ATE1: variants seen among roughly 807,000 people sequenced by gnomAD.
The protein encoded by ATE1 is arginyl-tRNA--protein transferase 1.
A neutral mutation model predicts 70.5 loss-of-function variants in ATE1; 36 were observed. That is an observed-to-expected ratio of 0.51 (90% CI 0.39 to 0.67). The LOEUF is 0.67. Ranked by LOEUF, ATE1 falls within the 30% of genes least tolerant of loss-of-function variation. The pLI, the probability that ATE1 is intolerant of heterozygous loss-of-function variation, is 0.00. For synonymous variants in ATE1, 232 were observed against 219.3 expected, an observed-to-expected ratio of 1.06 and a Z score of -0.51; for missense variants, 593 against 629.5, an observed-to-expected ratio of 0.94 and a Z score of 0.62.
At chr10:121,890,526 A>G (rs1950544734) in intron 7 of ATE1, among the ~76,000 whole-genome samples, 2 of 152,282 alleles carry the variant, frequency 1.3e-5, no homozygotes, top group South Asian at 4.1e-4. Flanking sequence ...CATTCTTTCA[A>G]TTTTCCTTTA....
chr10:121,762,270 C>T (rs749577316), intron 11 of ATE1, among the ~76,000 whole-genome samples: 14 of 152,176 alleles, frequency 9.2e-5, no homozygotes, highest in African/African-American at 2.7e-4. Context: ...TTGGAAGCTA[C>T]GTAGTGTCCT....
intron 11 of ATE1, among the ~76,000 whole-genome samples, chr10:121,745,515 C>A (rs185729099): frequency 4.6e-5 from 7 of 152,046 alleles, no homozygotes; most frequent in Admixed American, 2.6e-4. Flanking sequence ...AGGAGATCGA[C>A]ACCATTCTGG....
At position 121,743,676 on chromosome 10, in the gene ATE1, C is replaced by A; in HGVS notation, c.*4G>T. Reference sequence around the variant, plus strand: ...ACAGGAACTTCCCGGCAGAGGTGAACAGGTCAGTTTCTGAACAGCAGCATC... The same window carrying A: ...ACAGGAACTTCCCGGCAGAGGTGAAAAGGTCAGTTTCTGAACAGCAGCATC... On this transcript the variant is annotated 3_prime_UTR_variant, in exon 12 of 12. Transcript: ENST00000224652. 2 of 1,602,536 alleles carry A rather than the reference C, an allele frequency of 1.2e-6. No individual in the cohort carries two copies. Among genetic ancestry groups the A allele is most frequent in the Non-Finnish European group, 8.5e-7 (1 of 1,175,008 alleles).
intron 8 of ATE1, among the ~76,000 whole-genome samples, chr10:121,844,404 A>G (rs1222958967): frequency 6.6e-6 from 1 of 152,212 alleles, no homozygotes; most frequent in South Asian, 2.1e-4. Context: ...TAATACCACA[A>G]AACTACTAGA....
intron 10 of ATE1, among the ~76,000 whole-genome samples, chr10:121,805,855 T>C (rs1809849498): frequency 1.3e-5 from 2 of 152,180 alleles, no homozygotes; most frequent in East Asian, 1.9e-4. Context: ...TGACTATTTA[T>C]ATTATACATT....
At chr10:121,893,965 C>A (rs1357407542) in intron 7 of ATE1, among the ~76,000 whole-genome samples, 1 of 151,998 alleles carries the variant, frequency 6.6e-6, no homozygotes, top group African/African-American at 2.4e-5. Context: ...TGAAGAAACC[C>A]CGTCTTGACT....
At chr10:121,804,552 A>G (rs1947018268) in intron 10 of ATE1, among the ~76,000 whole-genome samples, 1 of 152,178 alleles carries the variant, frequency 6.6e-6, no homozygotes, top group African/African-American at 2.4e-5. Flanking sequence ...GCCTGAAATT[A>G]TGGTATTAGT....
intron 11 of ATE1, among the ~76,000 whole-genome samples, chr10:121,777,093 C>T (rs1945779275): frequency 6.6e-6 from 1 of 152,180 alleles, no homozygotes; most frequent in African/African-American, 2.4e-5. Flanking sequence ...AGGATCTTAA[C>T]TTATGTAGTC....
At chr10:121,892,920 G>A (rs1564933995) in intron 7 of ATE1, among the ~76,000 whole-genome samples, 3 of 152,146 alleles carry the variant, frequency 2.0e-5, no homozygotes, top group Admixed American at 1.3e-4. Flanking sequence ...AGCCCTCTAG[G>A]GCGTGACATC....
At chr10:121,924,462 AG>A in intron 1 of ATE1, 133 bp from the exon 2 acceptor site, 1 of 787,536 alleles carries the variant, frequency 1.3e-6, no homozygotes, top group East Asian at 2.9e-5. Context: ...GCACTCTGGG[AG>A]GCCAAGGCGG....
intron 9 of ATE1, among the ~76,000 whole-genome samples, chr10:121,840,417 G>C (rs1008477727): frequency 1.2e-4 from 18 of 152,104 alleles, no homozygotes; most frequent in African/African-American, 4.3e-4. Context: ...AGGATCACTT[G>C]AGCCCAGGAG....
intron 7 of ATE1, among the ~76,000 whole-genome samples, chr10:121,882,081 C>T (rs1950244587): frequency 6.6e-6 from 1 of 152,082 alleles, no homozygotes; most frequent in African/African-American, 2.4e-5. Context: ...CAGGCGTGAG[C>T]CACCGTGCCC....
At chr10:121,919,954 G>A (rs1244169529) in intron 3 of ATE1, among the ~76,000 whole-genome samples, 2 of 151,942 alleles carry the variant, frequency 1.3e-5, no homozygotes, top group Admixed American at 1.3e-4. Flanking sequence ...TTGGGCAGGA[G>A]GCCAGCTCTC....
chr10:121,838,301 C>CCTCCTTCTCACCAACTCCACCT, intron 9 of ATE1, among the ~76,000 whole-genome samples: 1 of 151,750 alleles, frequency 6.6e-6, no homozygotes, highest in South Asian at 2.1e-4. Context: ...ATTCCACCTG[C>CCTCCTTCTCACCAACTCCACCT]GTCCTTCTCA....
chr10:121,842,698 A>G (rs534751273), intron 8 of ATE1, among the ~76,000 whole-genome samples: 45 of 152,298 alleles, frequency 3.0e-4, no homozygotes, highest in Admixed American at 8.5e-4. Context: ...TTAAAAGGCA[A>G]TTAATGAACA....
rs1415059064 is a variant in ATE1 at position 121,762,943 on chromosome 10, A to T, written c.1379-19085T>A. On this transcript the variant is annotated intron_variant, in intron 11 of 11. Coordinates refer to ENST00000224652, the MANE Select transcript of ATE1 (RefSeq NM_001001976.3). ...TATGATAAAATTGATTTCATTATACATTAGTTCGCTTAAAGTCACCTTTTC... is the reference window on the plus strand; with the variant it reads ...TATGATAAAATTGATTTCATTATACTTTAGTTCGCTTAAAGTCACCTTTTC... Among the ~76,000 whole-genome samples, 3 of 152,204 alleles carry T rather than the reference A, an allele frequency of 2.0e-5. No homozygotes were observed. The South Asian group carries it at 6.2e-4, about 31-fold the overall frequency.
rs1944153757 is a variant in ATE1, at chr10:121,741,724, C to T, written c.*1956G>A. 1 of 152,078 alleles carries T rather than the reference C, an allele frequency of 6.6e-6. No homozygotes were observed. The highest frequency in any genetic ancestry group is 2.4e-5 in the African/African-American group (1 of 41,408). The allele number at this position is 152,078 out of a possible 1,614,324, so 9.4% of individuals were successfully genotyped here. On this transcript the variant is annotated 3_prime_UTR_variant, in exon 12 of 12. Coordinates refer to ENST00000224652, the MANE Select transcript of ATE1 (RefSeq NM_001001976.3). The stretch of plus-strand genomic sequence containing the variant: ...AGATTACTTACTACACTTTCTGAAG[C>T]CTTATTTTGAAATTTATTTCACATT...
intron 7 of ATE1, among the ~76,000 whole-genome samples, chr10:121,890,000 T>C (rs1202416279): frequency 2.0e-5 from 3 of 152,158 alleles, no homozygotes; most frequent in Non-Finnish European, 2.9e-5. Context: ...AACTTTCAAA[T>C]GGTTCAAGAG....
intron 10 of ATE1, among the ~76,000 whole-genome samples, chr10:121,821,093 C>T (rs1947777203): frequency 6.6e-6 from 1 of 152,226 alleles, no homozygotes; most frequent in Admixed American, 6.5e-5. Context: ...AGGCGCCCAC[C>T]ACCACGCCTG....
Sources: gnomAD v4.1 joint callset for allele counts (sites outside exome capture counted in the v4.1 genomes callset) on GRCh38, gnomAD v4.1.1 for gene constraint, MANE v1.5 for transcripts, NCBI Gene and HGNC (gene_info 2026-07-23, HGNC 2026-07-21) for gene names.